Variants in PTPRT observed in about 807,000 individuals in gnomAD.
The protein encoded by PTPRT is receptor-type tyrosine-protein phosphatase T.
PTPRT carries 56 observed loss-of-function variants against 176.8 expected under a neutral mutation model. The ratio of observed to expected loss-of-function variants is 0.32; its 90% CI spans 0.26 to 0.40. The LOEUF (loss-of-function observed/expected upper bound fraction) is 0.40, where lower values mean the gene tolerates loss of function less well. Ranked by LOEUF, PTPRT falls within the 10% of genes least tolerant of loss-of-function variation. PTPRT has a pLI of 1.00. For synonymous variants in PTPRT, 783 were observed against 739.0 expected, an observed-to-expected ratio of 1.06 and a Z score of -0.96; for missense variants, 1,540 against 1,908.2, an observed-to-expected ratio of 0.81 and a Z score of 3.60.
chr20:42,872,875 G>T (rs1255588128), intron 2 of PTPRT, among the ~76,000 whole-genome samples: 1 of 152,150 alleles, frequency 6.6e-6, no homozygotes, highest in African/African-American at 2.4e-5. Context: ...GTTAGTGACA[G>T]ATCTGGGATG....
chr20:42,865,081 C>T (rs1568644674), intron 2 of PTPRT, among the ~76,000 whole-genome samples: 2 of 152,230 alleles, frequency 1.3e-5, no homozygotes, highest in East Asian at 3.8e-4. Flanking sequence ...GCAGTCAAGA[C>T]TCTCTTCATT....
In PTPRT at chr20:42,472,249, T is replaced by TCTCCTC. The variant is rs753917405; in HGVS notation, c.1450+11_1450+16dup. On this transcript the variant is annotated intron_variant, in intron 8 of 30. Coordinates refer to ENST00000373187, the MANE Select transcript of PTPRT (RefSeq NM_007050.6). ...TCAATATCCCCATTCCCATGTAAGC[T>TCTCCTC]CTCCTCCCTTGCTCACCGTCTTCCT... The TCTCCTC allele has an allele frequency of 4.3e-5, 70 of 1,609,562 alleles. No homozygotes were observed. In the South Asian group the frequency reaches 6.4e-4, roughly 15 times the overall value.
At position 42,329,504 on chromosome 20, in the gene PTPRT, T is replaced by TAC. The variant is rs1254341273; in HGVS notation, c.1866-13510_1866-13509dup. On this transcript the variant is annotated intron_variant, in intron 11 of 30. Coordinates refer to ENST00000373187, the MANE Select transcript of PTPRT (RefSeq NM_007050.6). ...ACACACACACACACACACACACACA[T>TAC]ACACACACACACACACACACAGGCA... Among the ~76,000 whole-genome samples the TAC allele has an allele frequency of 9.7e-3, 1,176 of 121,172 alleles. 19 individuals carry two copies. Among genetic ancestry groups the TAC allele is most frequent in the African/African-American group, 0.028 (938 of 33,978 alleles). 79.5% of individuals were successfully genotyped at this position (121,172 alleles called of 152,430 possible). A position where few individuals can be genotyped will look rare whatever the true frequency, so the allele number is the denominator to read the frequency against.
chr20:42,983,426 C>T (rs570727337), intron 1 of PTPRT, among the ~76,000 whole-genome samples: 28 of 152,348 alleles, frequency 1.8e-4, no homozygotes, highest in African/African-American at 6.0e-4. Flanking sequence ...AGCTGAGCAA[C>T]TTCCCAAGGT....
intron 7 of PTPRT, among the ~76,000 whole-genome samples, chr20:42,633,990 T>TTC (rs2074501481): frequency 4.4e-5 from 1 of 22,590 alleles, no homozygotes; most frequent in Non-Finnish European, 7.1e-5. Context: ...ATATATTATA[T>TTC]TATATATATT....
chr20:42,087,293 C>A (rs770140747), intron 27 of PTPRT, among the ~76,000 whole-genome samples: 1 of 152,044 alleles, frequency 6.6e-6, no homozygotes, highest in African/African-American at 2.4e-5. Flanking sequence ...TGCAGTGGTG[C>A]GATCTTGGCT....
At chr20:42,699,170 C>T (rs890208745) in intron 6 of PTPRT, among the ~76,000 whole-genome samples, 1 of 152,188 alleles carries the variant, frequency 6.6e-6, no homozygotes, top group Non-Finnish European at 1.5e-5. Flanking sequence ...GGCATTGAGA[C>T]ACCTCACATA....
chr20:43,102,467 T>C (rs578080632), intron 1 of PTPRT, among the ~76,000 whole-genome samples: 20 of 152,346 alleles, frequency 1.3e-4, no homozygotes, highest in African/African-American at 4.8e-4. Context: ...ATTTATTTTA[T>C]TTCAACATTA....
the PTPRT span, among the ~76,000 whole-genome samples, chr20:42,057,636 T>C: frequency 2.0e-5 from 3 of 152,198 alleles, no homozygotes; most frequent in Non-Finnish European, 4.4e-5. Context: ...TCACCCAGGC[T>C]GGAATGTAGT....
intron 2 of PTPRT, among the ~76,000 whole-genome samples, chr20:42,878,900 A>G (rs948397741): frequency 6.6e-6 from 1 of 152,102 alleles, no homozygotes; most frequent in Non-Finnish European, 1.5e-5. Flanking sequence ...CTGGTGGTGG[A>G]TGCCTGTAGT....
At chr20:42,483,905 C>G (rs550677309) in intron 7 of PTPRT, among the ~76,000 whole-genome samples, 8 of 152,346 alleles carry the variant, frequency 5.3e-5, no homozygotes, top group African/African-American at 1.7e-4. Flanking sequence ...ATAGAGGGAG[C>G]CTGCGGGGCA....
At chr20:42,316,455 T>C (rs1269803621) in intron 11 of PTPRT, among the ~76,000 whole-genome samples, 1 of 152,208 alleles carries the variant, frequency 6.6e-6, no homozygotes, top group Non-Finnish European at 1.5e-5. Context: ...GATAATGCCT[T>C]GGTTGGACAC....
At position 42,074,639 on chromosome 20, in the gene PTPRT, A is replaced by G; in HGVS notation, c.*6240T>C. 2.5e-6 allele frequency: 1 copy of G among 396,808 alleles called. No individual in the cohort carries two copies. The highest frequency in any genetic ancestry group is 4.4e-6 in the Non-Finnish European group (1 of 225,352). 24.6% of individuals were successfully genotyped at this position (396,808 alleles called of 1,614,324 possible). On this transcript the variant is annotated 3_prime_UTR_variant, in exon 31 of 31. Coordinates refer to ENST00000373187, the MANE Select transcript of PTPRT (RefSeq NM_007050.6). ...CTTGCACTTCCCTTGTATCTGCCCC[A>G]GTGGACCACCCCTGAGCTCTTAGAT...
intron 7 of PTPRT, among the ~76,000 whole-genome samples, chr20:42,481,124 A>G (rs780723913): frequency 2.0e-5 from 3 of 151,842 alleles, no homozygotes; most frequent in Non-Finnish European, 4.4e-5. Context: ...CTGCTATTAT[A>G]GTGCAAATGT....
intron 6 of PTPRT, among the ~76,000 whole-genome samples, chr20:42,738,277 C>T (rs894067971): frequency 2.0e-5 from 3 of 152,052 alleles, no homozygotes; most frequent in East Asian, 1.9e-4. Context: ...CTTGGGAGGC[C>T]GAGGTGAGTG....
intron 13 of PTPRT, among the ~76,000 whole-genome samples, chr20:42,279,242 T>G (rs568143509): frequency 4.6e-5 from 7 of 152,234 alleles, no homozygotes; most frequent in African/African-American, 1.7e-4. Flanking sequence ...GAAATTCCCT[T>G]GCTTTTTGCT....
chr20:42,786,238 G>A (rs556727986), intron 3 of PTPRT, among the ~76,000 whole-genome samples: 41 of 152,204 alleles, frequency 2.7e-4, no homozygotes, highest in Admixed American at 1.2e-3. Context: ...CTTTATAGCA[G>A]TATGAGAACA....
intron 5 of PTPRT, among the ~76,000 whole-genome samples, chr20:42,767,010 A>C (rs1393884485): frequency 2.0e-5 from 3 of 152,200 alleles, no homozygotes; most frequent in Non-Finnish European, 4.4e-5. Context: ...CAACAGCGAG[A>C]GTGCCAGCCA....
chr20:42,089,836 C>G (rs1984421612), intron 27 of PTPRT, among the ~76,000 whole-genome samples: 1 of 152,104 alleles, frequency 6.6e-6, no homozygotes, highest in Admixed American at 6.6e-5. Flanking sequence ...AGCAGGGGGG[C>G]CATGTTTTCT....
Sources: gnomAD v4.1 joint callset for allele counts (sites outside exome capture counted in the v4.1 genomes callset) on GRCh38, gnomAD v4.1.1 for gene constraint, MANE v1.5 for transcripts, NCBI Gene and HGNC (gene_info 2026-07-23, HGNC 2026-07-21) for gene names.